ADAMTSL1: variants seen among roughly 807,000 people sequenced by gnomAD.
The protein encoded by ADAMTSL1 is ADAMTS like 1.
A neutral mutation model predicts 201.8 loss-of-function variants in ADAMTSL1; 126 were observed. The ratio of observed to expected loss-of-function variants is 0.62; its 90% CI spans 0.54 to 0.72. ADAMTSL1 has a LOEUF of 0.72. Ranked by LOEUF, ADAMTSL1 falls within the 30% of genes least tolerant of loss-of-function variation. The pLI is 0.00. For missense variants in ADAMTSL1, 2,679 were observed against 2,277.8 expected (o/e 1.18, Z -3.59); for synonymous variants, 1,121 against 903.4 (o/e 1.24, Z -4.32).
At chr9:18,018,898 C>T (rs546425166) in intron 1 of ADAMTSL1, among the ~76,000 whole-genome samples, 3 of 152,078 alleles carry the variant, frequency 2.0e-5, no homozygotes, top group Admixed American at 6.6e-5. Context: ...ATTGCCATAA[C>T]AAATACATAA....
At chr9:18,613,939 G>T (rs10963669) in intron 4 of ADAMTSL1, among the ~76,000 whole-genome samples, 3,832 of 152,240 alleles carry the variant, frequency 0.025, 98 homozygotes, top group East Asian at 0.12. Context: ...TAAATAGTCT[G>T]ATCAAAGTAG....
At chr9:17,954,002 A>G (rs1173600187) in intron 1 of ADAMTSL1, among the ~76,000 whole-genome samples, 1 of 152,174 alleles carries the variant, frequency 6.6e-6, no homozygotes, top group African/African-American at 2.4e-5. Flanking sequence ...TGCCTATTTA[A>G]TATGGCTTCT....
At chr9:18,294,217 A>C (rs1365839203) in intron 2 of ADAMTSL1, among the ~76,000 whole-genome samples, 1 of 152,228 alleles carries the variant, frequency 6.6e-6, no homozygotes, top group African/African-American at 2.4e-5. Flanking sequence ...AAAGTTCAAA[A>C]AGAATCCACT....
At chr9:18,562,458 T>C (rs1440592874) in intron 3 of ADAMTSL1, among the ~76,000 whole-genome samples, 1 of 152,222 alleles carries the variant, frequency 6.6e-6, no homozygotes, top group Non-Finnish European at 1.5e-5. Context: ...CATTTTTTCC[T>C]TCATTTCAAC....
At chr9:18,058,794 A>C (rs187064150) in intron 1 of ADAMTSL1, among the ~76,000 whole-genome samples, 28 of 152,340 alleles carry the variant, frequency 1.8e-4, no homozygotes, top group African/African-American at 6.5e-4. Flanking sequence ...TAAGCCAAGC[A>C]GGGATGTTTG....
intron 2 of ADAMTSL1, among the ~76,000 whole-genome samples, chr9:18,367,456 G>A (rs1278218797): frequency 1.3e-5 from 2 of 151,614 alleles, no homozygotes; most frequent in African/African-American, 4.9e-5. Flanking sequence ...CTGGGTCTAA[G>A]CCCTAGGGTT....
intron 1 of ADAMTSL1, among the ~76,000 whole-genome samples, chr9:18,093,684 C>T (rs1824123221): frequency 6.6e-6 from 1 of 152,130 alleles, no homozygotes; most frequent in Non-Finnish European, 1.5e-5. Context: ...AAGAAATAGG[C>T]TCTCCTAAAG....
chr9:18,704,125 G>A (rs1419104823), intron 13 of ADAMTSL1, among the ~76,000 whole-genome samples: 1 of 151,938 alleles, frequency 6.6e-6, no homozygotes, highest in East Asian at 1.9e-4. Context: ...CAGTCCACAG[G>A]CCAAATCCAG....
chr9:18,899,701 A>G (rs1829888302), intron 26 of ADAMTSL1, among the ~76,000 whole-genome samples: 1 of 152,244 alleles, frequency 6.6e-6, no homozygotes, highest in Admixed American at 6.5e-5. Context: ...AGGACTCCCT[A>G]CTTAATAGAT....
At chr9:18,234,167 A>C (rs934097650) in intron 2 of ADAMTSL1, among the ~76,000 whole-genome samples, 1 of 152,204 alleles carries the variant, frequency 6.6e-6, no homozygotes, top group Non-Finnish European at 1.5e-5. Flanking sequence ...ATATGATCCC[A>C]CATTTCTGCA....
chr9:18,895,850 A>T (rs934203324), intron 26 of ADAMTSL1, among the ~76,000 whole-genome samples: 1 of 152,360 alleles, frequency 6.6e-6, no homozygotes, highest in South Asian at 2.1e-4. Context: ...AAATGGGAAA[A>T]TATGGCCCAT....
Position 17,940,970 on chromosome 9 carries a change from C to A in ADAMTSL1, c.87+34048C>A, listed in dbSNP as rs1405354833. On this transcript the variant is annotated intron_variant, in intron 1 of 29. Coordinates refer to the ADAMTSL1 transcript ENST00000680146. ...AGATATTTTCACATTTCCTACAAATCCTACAAATTTTTCCATGAACATCTC... is the reference window on the plus strand; with the variant it reads ...AGATATTTTCACATTTCCTACAAATACTACAAATTTTTCCATGAACATCTC... Among the ~76,000 whole-genome samples the A allele has an allele frequency of 2.0e-5, 3 of 151,996 alleles. No homozygotes were observed. In the East Asian group the frequency reaches 5.8e-4, roughly 30 times the overall value.
intron 2 of ADAMTSL1, among the ~76,000 whole-genome samples, chr9:18,429,903 C>G (rs1050219249): frequency 6.6e-6 from 1 of 151,968 alleles, no homozygotes; most frequent in Non-Finnish European, 1.5e-5. Flanking sequence ...GATTCTCCTA[C>G]CTCAGCCTCC....
chr9:18,708,268 G>A (rs1269720235), intron 14 of ADAMTSL1, among the ~76,000 whole-genome samples: 1 of 152,206 alleles, frequency 6.6e-6, no homozygotes, highest in East Asian at 1.9e-4. Context: ...ACAAGTACTA[G>A]CAAAGAATCA....
At chr9:18,298,340 A>G (rs771016137) in intron 2 of ADAMTSL1, among the ~76,000 whole-genome samples, 4 of 152,198 alleles carry the variant, frequency 2.6e-5, no homozygotes, top group African/African-American at 4.8e-5. Context: ...TTCTTGTTTA[A>G]TTGAAGGGAA....
chr9:18,042,095 G>GA (rs76542418), intron 1 of ADAMTSL1, among the ~76,000 whole-genome samples: 2,313 of 124,388 alleles, frequency 0.019, 39 homozygotes, highest in African/African-American at 0.036. Context: ...TAATTGCTGG[G>GA]AAAAAAAAAA....
intron 1 of ADAMTSL1, among the ~76,000 whole-genome samples, chr9:18,074,532 TTCTTCTCTCTTCTTTTCTCTTC>T (rs1465718884): frequency 6.9e-6 from 1 of 145,616 alleles, no homozygotes; most frequent in African/African-American, 2.6e-5. Context: ...TTCTTTTCTT[TTCTTCTCTCTTCTTTTCTCTTC>T]TCTTTTCTTT....
chr9:18,741,133 T>G (rs533112261), intron 15 of ADAMTSL1, among the ~76,000 whole-genome samples: 134 of 152,152 alleles, frequency 8.8e-4, no homozygotes, highest in Non-Finnish European at 1.2e-3. Flanking sequence ...CAATAAATAC[T>G]AATTAAATGG....
At chr9:18,130,822 A>G (rs1295306703) in intron 1 of ADAMTSL1, among the ~76,000 whole-genome samples, 1 of 152,160 alleles carries the variant, frequency 6.6e-6, no homozygotes, top group Non-Finnish European at 1.5e-5. Context: ...CAGCCTTAGA[A>G]CATGAGCAGA....
Sources: gnomAD v4.1 joint callset for allele counts (sites outside exome capture counted in the v4.1 genomes callset) on GRCh38, gnomAD v4.1.1 for gene constraint, MANE v1.5 for transcripts, NCBI Gene and HGNC (gene_info 2026-07-23, HGNC 2026-07-21) for gene names.